RCAN2: variants seen among roughly 807,000 people sequenced by gnomAD.
RCAN2 encodes the protein calcipressin-2.
A neutral mutation model predicts 23.6 loss-of-function variants in RCAN2; 9 were observed. The ratio of observed to expected loss-of-function variants is 0.38; its 90% CI spans 0.23 to 0.67. The LOEUF is 0.67. Ranked by LOEUF, RCAN2 falls within the 30% of genes least tolerant of loss-of-function variation. The pLI is 0.51. For synonymous variants in RCAN2, 109 were observed against 115.7 expected, an observed-to-expected ratio of 0.94 and a Z score of 0.37; for missense variants, 273 against 302.3, an observed-to-expected ratio of 0.90 and a Z score of 0.72.
chr6:46,316,848 A>AT (rs1461471544), intron 2 of RCAN2, among the ~76,000 whole-genome samples: 1 of 152,226 alleles, frequency 6.6e-6, no homozygotes, highest in African/African-American at 2.4e-5. Context: ...AATCAATTCT[A>AT]TTAGATGCAC....
intron 1 of RCAN2, among the ~76,000 whole-genome samples, chr6:46,471,100 G>A (rs1257815187): frequency 6.6e-6 from 1 of 152,200 alleles, no homozygotes; most frequent in East Asian, 1.9e-4. Flanking sequence ...GGCTGGTAAG[G>A]AAGAGAGAGT....
At chr6:46,257,254 A>C (rs1256017216) in intron 2 of RCAN2, among the ~76,000 whole-genome samples, 1 of 152,320 alleles carries the variant, frequency 6.6e-6, no homozygotes, top group East Asian at 1.9e-4. Context: ...TATTACCCTC[A>C]ATTTAACTCT....
intron 1 of RCAN2, chr6:46,468,961 C>G: frequency 2.6e-6 from 1 of 383,430 alleles, no homozygotes; most frequent in Non-Finnish European, 3.6e-6. Flanking sequence ...GTCACTGCCC[C>G]CAGCTGCTTC....
intron 2 of RCAN2, among the ~76,000 whole-genome samples, chr6:46,298,436 G>A (rs917541401): frequency 6.6e-6 from 1 of 152,014 alleles, no homozygotes; most frequent in Non-Finnish European, 1.5e-5. Context: ...ACTGCCTTAG[G>A]CTTATCCCAA....
intron 2 of RCAN2, among the ~76,000 whole-genome samples, chr6:46,444,923 T>C (rs1582207197): frequency 6.6e-6 from 1 of 152,016 alleles, no homozygotes; most frequent in East Asian, 1.9e-4. Flanking sequence ...GCTCCACACT[T>C]GTCCCAGGTT....
chr6:46,367,228 T>G (rs1765202815), intron 2 of RCAN2, among the ~76,000 whole-genome samples: 2 of 151,598 alleles, frequency 1.3e-5, no homozygotes, highest in South Asian at 2.1e-4. Flanking sequence ...CTTGACTGAA[T>G]GTACTGTCAA....
intron 2 of RCAN2, among the ~76,000 whole-genome samples, chr6:46,333,457 C>T (rs543340774): frequency 1.3e-5 from 2 of 152,168 alleles, no homozygotes; most frequent in African/African-American, 4.8e-5. Context: ...CAGCCTTTCG[C>T]TATTAAATAA....
chr6:46,467,475 T>C lies in RCAN2; in HGVS notation c.-2-10497A>G, dbSNP rs977508569. Among the ~76,000 whole-genome samples, 39 of 152,346 alleles carry C rather than the reference T, an allele frequency of 2.6e-4. 1 individual carries two copies. The highest frequency in any genetic ancestry group is 1.9e-3 in the South Asian group (9 of 4,828). On this transcript the variant is annotated intron_variant, in intron 1 of 4. Transcript: ENST00000371374. ...CAGTAAGTGTTAACTATTATAAGTG[T>C]TAACCATCTTAAGTTCTCAACAGAG...
At chr6:46,263,467 G>GTGTGTA (rs1554128469) in intron 2 of RCAN2, among the ~76,000 whole-genome samples, 3 of 68,226 alleles carry the variant, frequency 4.4e-5, no homozygotes, top group African/African-American at 1.3e-4. Flanking sequence ...GTGTGTGTGT[G>GTGTGTA]TGTGTGTATG....
Position 46,222,956 on chromosome 6 carries a change from G to A in RCAN2, c.*185C>T. 1 of 620,906 alleles carries A rather than the reference G, an allele frequency of 1.6e-6. No homozygotes were observed. The highest frequency in any genetic ancestry group is 2.8e-5 in the East Asian group (1 of 36,002). 38.5% of individuals were successfully genotyped at this position (620,906 alleles called of 1,614,324 possible). ...TTCTAAATAATGGGTTATACTTAAT[G>A]GGTATGATATGATCAGGAGACATAT... On this transcript the variant is annotated 3_prime_UTR_variant, in exon 5 of 5. Transcript: ENST00000371374.
intron 2 of RCAN2, among the ~76,000 whole-genome samples, chr6:46,369,502 C>T (rs746056184): frequency 1.3e-5 from 2 of 152,104 alleles, no homozygotes; most frequent in Non-Finnish European, 1.5e-5. Context: ...CCTTGCATCA[C>T]AACGTTAGGA....
chr6:46,361,210 TG>T (rs1399899224), intron 2 of RCAN2, among the ~76,000 whole-genome samples: 1 of 152,106 alleles, frequency 6.6e-6, no homozygotes, highest in East Asian at 1.9e-4. Flanking sequence ...AACTCTATCC[TG>T]GGGGAAGGGT....
chr6:46,398,115 C>A (rs1766146222), intron 2 of RCAN2, among the ~76,000 whole-genome samples: 1 of 152,112 alleles, frequency 6.6e-6, no homozygotes. Context: ...TGGAAAGCTG[C>A]TCTCATGTTT....
At chr6:46,257,542 G>C (rs1040065295) in intron 2 of RCAN2, among the ~76,000 whole-genome samples, 1 of 152,166 alleles carries the variant, frequency 6.6e-6, no homozygotes, top group Non-Finnish European at 1.5e-5. Context: ...CAGCAGGAGA[G>C]GGAAAGAGAG....
intron 2 of RCAN2, among the ~76,000 whole-genome samples, chr6:46,367,022 G>GAGATATATATATAT (rs1423954723): frequency 5.0e-5 from 3 of 59,690 alleles, no homozygotes; most frequent in African/African-American, 1.4e-4. Context: ...ATCTGGGATG[G>GAGATATATATATAT]ATATATATAT....
chr6:46,306,433 G>T (rs576767818), intron 2 of RCAN2, among the ~76,000 whole-genome samples: 5 of 152,114 alleles, frequency 3.3e-5, no homozygotes, highest in African/African-American at 1.2e-4. Flanking sequence ...ATAAATGCAC[G>T]CTTTCCAAAG....
At chr6:46,280,696 G>C (rs1356704894) in intron 2 of RCAN2, among the ~76,000 whole-genome samples, 1 of 152,142 alleles carries the variant, frequency 6.6e-6, no homozygotes, top group Non-Finnish European at 1.5e-5. Context: ...TGAAATATCA[G>C]GGTAGAGAAG....
At chr6:46,467,013 C>T (rs767938837) in intron 1 of RCAN2, among the ~76,000 whole-genome samples, 1 of 152,184 alleles carries the variant, frequency 6.6e-6, no homozygotes, top group African/African-American at 2.4e-5. Flanking sequence ...CTTCATACCC[C>T]GCTCTCAGCC....
At chr6:46,302,219 G>A (rs868813372) in intron 2 of RCAN2, among the ~76,000 whole-genome samples, 1 of 152,198 alleles carries the variant, frequency 6.6e-6, no homozygotes, top group South Asian at 2.1e-4. Context: ...GCAACTGGGC[G>A]GGTGATTGTA....
Sources: gnomAD v4.1 joint callset for allele counts (sites outside exome capture counted in the v4.1 genomes callset) on GRCh38, gnomAD v4.1.1 for gene constraint, MANE v1.5 for transcripts, NCBI Gene and HGNC (gene_info 2026-07-23, HGNC 2026-07-21) for gene names.